Variants in WDR27 observed in about 807,000 individuals in gnomAD.
WDR27 encodes the protein WD repeat-containing protein 27.
WDR27 carries 100 observed loss-of-function variants against 114.4 expected under a neutral mutation model. That is an observed-to-expected ratio of 0.87 (90% CI 0.74 to 1.03). The LOEUF (loss-of-function observed/expected upper bound fraction) is 1.03, where lower values mean the gene tolerates loss of function less well. WDR27 is among the 50% of genes least tolerant of loss of function. WDR27 has a pLI of 0.00. For synonymous variants in WDR27, 449 were observed against 423.1 expected (o/e 1.06, Z -0.75); for missense variants, 1,129 against 1,092.9 (o/e 1.03, Z -0.47).
chr6:169,544,497 G>T (rs1421076750), intron 25 of WDR27, among the ~76,000 whole-genome samples: 2 of 149,578 alleles, frequency 1.3e-5, no homozygotes, highest in Non-Finnish European at 3.0e-5. Flanking sequence ...GGAGTGTAGT[G>T]GCGCCATCTT....
At chr6:169,474,649 C>A (rs1042768418) in intron 25 of WDR27, among the ~76,000 whole-genome samples, 2 of 150,810 alleles carry the variant, frequency 1.3e-5, no homozygotes, top group South Asian at 4.2e-4. Flanking sequence ...AGACTAATCC[C>A]GATATTCATT....
intron 25 of WDR27, among the ~76,000 whole-genome samples, chr6:169,515,553 G>T (rs1209634378): frequency 2.6e-5 from 4 of 152,018 alleles, no homozygotes; most frequent in Admixed American, 6.6e-5. Flanking sequence ...TTACACATGA[G>T]TACTTATTTT....
intron 21 of WDR27, among the ~76,000 whole-genome samples, chr6:169,614,181 T>C (rs1412864719): frequency 1.3e-5 from 2 of 152,146 alleles, no homozygotes; most frequent in Non-Finnish European, 2.9e-5. Flanking sequence ...CAATTCTCAC[T>C]AAGTGGAACT....
chr6:169,602,137 C>G (rs1216856331), intron 23 of WDR27, 82 bp downstream of exon 23: 1 of 1,037,622 alleles, frequency 9.6e-7, no homozygotes, highest in Non-Finnish European at 1.4e-6. Flanking sequence ...GGTTTCTATC[C>G]TAATATGCAA....
rs377132571 is a variant in WDR27, at chr6:169,647,746, AC to A, written c.1657+26del. 111 of 1,532,662 alleles carry A rather than the reference AC, an allele frequency of 7.2e-5. No individual in the cohort carries two copies. In the East Asian group the frequency reaches 2.3e-3, roughly 32 times the overall value. 94.9% of individuals were successfully genotyped at this position (1,532,662 alleles called of 1,614,324 possible). ...TCAAAGACTCTTACAATGAAATGCT[AC>A]CCAGCTCCCGCAGGACGTGGCGCAC... On this transcript the variant is annotated intron_variant, in intron 16 of 25. Coordinates refer to ENST00000448612, the MANE Select transcript of WDR27 (RefSeq NM_182552.5).
chr6:169,586,092 C>G (rs1171499556), intron 23 of WDR27, among the ~76,000 whole-genome samples: 2 of 152,186 alleles, frequency 1.3e-5, no homozygotes, highest in Non-Finnish European at 2.9e-5. Context: ...ACTGCTTCTT[C>G]CATGTCTTCT....
At chr6:169,605,057 C>T (rs979314028) in intron 22 of WDR27, among the ~76,000 whole-genome samples, 7 of 137,566 alleles carry the variant, frequency 5.1e-5, no homozygotes, top group South Asian at 4.7e-4. Context: ...ATGCCCACTA[C>T]CACCATTTCT....
At chr6:169,447,147 T>A in the WDR27 span, among the ~76,000 whole-genome samples, 1 of 152,244 alleles carries the variant, frequency 6.6e-6, no homozygotes, top group African/African-American at 2.4e-5. Context: ...ACTAATTTTT[T>A]TCTTTAGGAT....
intron 25 of WDR27, among the ~76,000 whole-genome samples, chr6:169,552,331 C>T (rs2128104668): frequency 6.6e-6 from 1 of 152,206 alleles, no homozygotes; most frequent in African/African-American, 2.4e-5. Flanking sequence ...TGTTCGTCTC[C>T]CCCACTGCAC....
Position 169,644,732 on chromosome 6 carries a change from G to A in WDR27, c.1658-946C>T, listed in dbSNP as rs1367651468. 7.0e-5 allele frequency among the ~76,000 whole-genome samples: 4 copies of A among 57,228 alleles called. 1 individual carries two copies. The highest frequency in any genetic ancestry group is 2.6e-4 in the African/African-American group (2 of 7,692). The allele number at this position is 57,228 out of a possible 152,430, so 37.5% of individuals were successfully genotyped here. On this transcript the variant is annotated intron_variant, in intron 16 of 25. Transcript: ENST00000448612. ...GTCACACTGTAGAAAATCCTAGGCC[G>A]GGCGCGGTGGCTCACGCCTGTAATC...
At chr6:169,471,817 C>T (rs558761494) in intron 25 of WDR27, among the ~76,000 whole-genome samples, 2 of 152,278 alleles carry the variant, frequency 1.3e-5, no homozygotes, top group South Asian at 4.1e-4. Context: ...ATGTATTGCT[C>T]AGCTCTGGAG....
At chr6:169,506,981 A>G (rs1245449027) in intron 25 of WDR27, among the ~76,000 whole-genome samples, 2 of 152,252 alleles carry the variant, frequency 1.3e-5, no homozygotes, top group Non-Finnish European at 2.9e-5. Flanking sequence ...ATGCATCTAT[A>G]TAAGGATTAG....
At chr6:169,490,703 TGGG>T (rs1789640661) in intron 25 of WDR27, among the ~76,000 whole-genome samples, 1 of 152,204 alleles carries the variant, frequency 6.6e-6, no homozygotes, top group Admixed American at 6.5e-5. Flanking sequence ...AGCTACTGGC[TGGG>T]GTTTCCTTAG....
At position 169,684,529 on chromosome 6, in the gene WDR27, C is replaced by T. The variant is rs1008739447; in HGVS notation, c.189+4288G>A. On this transcript the variant is annotated intron_variant, in intron 2 of 25. Transcript: ENST00000448612. This position sits in a 1 kb window ranked among gnomAD's most constrained non-coding sequence, Gnocchi z 4.3. ...TTGCCTTTGGAGGCACATCACCAAGCGGGCTGAGCAGCCCTGTTCCCATGT... is the reference window on the plus strand; with the variant it reads ...TTGCCTTTGGAGGCACATCACCAAGTGGGCTGAGCAGCCCTGTTCCCATGT... 1.3e-5 allele frequency among the ~76,000 whole-genome samples: 2 copies of T among 152,144 alleles called. No homozygotes were observed. Among genetic ancestry groups the T allele is most frequent in the African/African-American group, 4.8e-5 (2 of 41,442 alleles).
intron 2 of WDR27, among the ~76,000 whole-genome samples, chr6:169,677,360 A>G (rs960217802): frequency 3.9e-5 from 6 of 152,244 alleles, no homozygotes; most frequent in African/African-American, 1.4e-4. Context: ...GGAAGCTTAA[A>G]CTTGAGTGAT....
chr6:169,543,568 T>C (rs2128095449), intron 25 of WDR27, among the ~76,000 whole-genome samples: 1 of 152,304 alleles, frequency 6.6e-6, no homozygotes, highest in South Asian at 2.1e-4. Context: ...AAGGTAATTA[T>C]ATTTTCCTAA....
At chr6:169,673,398 AAATT>A (rs1779261940) in intron 2 of WDR27, among the ~76,000 whole-genome samples, 2 of 152,016 alleles carry the variant, frequency 1.3e-5, no homozygotes, top group African/African-American at 4.8e-5. Flanking sequence ...AAACTGGACA[AAATT>A]AAATATATAT....
chr6:169,445,804 G>C, the WDR27 span, among the ~76,000 whole-genome samples: 1 of 152,220 alleles, frequency 6.6e-6, no homozygotes, highest in African/African-American at 2.4e-5. Flanking sequence ...GACCGAGGCG[G>C]TGCTCCCAGC....
At chr6:169,643,612 A>G (rs373016462) in intron 17 of WDR27, 85 bp downstream of exon 17, 84 of 1,164,286 alleles carry the variant, frequency 7.2e-5, no homozygotes, top group East Asian at 5.3e-4. Flanking sequence ...GAAGGAAACA[A>G]AAGTGTCCTT....
Sources: gnomAD v4.1 joint callset for allele counts (sites outside exome capture counted in the v4.1 genomes callset) on GRCh38, gnomAD v4.1.1 for gene constraint, Gnocchi (gnomAD v3.1) non-coding constraint, MANE v1.5 for transcripts, NCBI Gene and HGNC (gene_info 2026-07-23, HGNC 2026-07-21) for gene names.